The following LINGO2 variants were observed in gnomAD, a reference collection of about 807,000 sequenced individuals.
LINGO2 encodes leucine-rich repeat and immunoglobulin-like domain-containing nogo receptor-interacting protein 2.
In LINGO2, 14 loss-of-function variants were observed where a neutral mutation model predicts 30.6. That is an observed-to-expected ratio of 0.46 (90% CI 0.30 to 0.72). LINGO2 has a LOEUF of 0.72. Among genes scored for constraint, LINGO2 ranks in the 30% least tolerant of loss-of-function variants. The pLI, the probability that LINGO2 is intolerant of heterozygous loss-of-function variation, is 0.07. For synonymous variants in LINGO2, 317 were observed against 288.5 expected (o/e 1.10, Z -1.00); for missense variants, 729 against 751.7 (o/e 0.97, Z 0.35).
At chr9:29,106,082 C>G in the LINGO2 span, among the ~76,000 whole-genome samples, 11 of 152,298 alleles carry the variant, frequency 7.2e-5, no homozygotes, top group East Asian at 1.9e-3. Flanking sequence ...TTTAGCATCT[C>G]ATTTCTTTGG....
chr9:28,123,490 G>C (rs1422849972), intron 4 of LINGO2, among the ~76,000 whole-genome samples: 2 of 152,064 alleles, frequency 1.3e-5, no homozygotes, highest in Non-Finnish European at 2.9e-5. Flanking sequence ...ACATTTTCTA[G>C]ATAGGAATCT....
chr9:28,723,834 A>G, the LINGO2 span, among the ~76,000 whole-genome samples: 1 of 152,134 alleles, frequency 6.6e-6, no homozygotes, highest in African/African-American at 2.4e-5. Context: ...ATCCTCCTAA[A>G]AAAACTGACT....
chr9:29,191,335 A>G, the LINGO2 span, among the ~76,000 whole-genome samples: 3 of 152,224 alleles, frequency 2.0e-5, no homozygotes, highest in African/African-American at 4.8e-5. Flanking sequence ...TCTAACATTC[A>G]TAAGGCTTCT....
At chr9:28,184,620 A>G (rs527973342) in intron 4 of LINGO2, among the ~76,000 whole-genome samples, 2 of 152,010 alleles carry the variant, frequency 1.3e-5, no homozygotes, top group South Asian at 4.1e-4. Context: ...GGGGAAAGAG[A>G]AAGAATGAGT....
chr9:28,602,305 GAAAC>G (rs199589447), intron 1 of LINGO2, among the ~76,000 whole-genome samples: 1,668 of 151,914 alleles, frequency 0.011, 36 homozygotes, highest in African/African-American at 0.036. Context: ...CTGGCAAATA[GAAAC>G]AAACAAACAA....
In LINGO2 at chr9:28,298,735, C is replaced by A. The variant is rs189221642; in HGVS notation, c.-245-3369G>T. 7.3e-5 allele frequency among the ~76,000 whole-genome samples: 11 copies of A among 151,628 alleles called. 1 individual carries two copies. The highest frequency in any genetic ancestry group is 1.3e-4 in the Non-Finnish European group (9 of 67,910). ...TGTATTTTCTTGTATGTAAATTACACCTCATTAATGTTGACTTAAATGTTC... is the reference window on the plus strand; with the variant it reads ...TGTATTTTCTTGTATGTAAATTACAACTCATTAATGTTGACTTAAATGTTC... On this transcript the variant is annotated intron_variant, in intron 3 of 5. Transcript: ENST00000379992.
the LINGO2 span, among the ~76,000 whole-genome samples, chr9:28,850,811 G>A: frequency 6.6e-6 from 1 of 151,986 alleles, no homozygotes; most frequent in Non-Finnish European, 1.5e-5. Flanking sequence ...AGCATCCAAT[G>A]AGTCTCTGGT....
At chr9:28,395,151 GAT>G (rs1202586250) in intron 2 of LINGO2, among the ~76,000 whole-genome samples, 1 of 152,120 alleles carries the variant, frequency 6.6e-6, no homozygotes, top group Non-Finnish European at 1.5e-5. Context: ...CATCAAAACT[GAT>G]AACTGTCCTT....
At chr9:28,914,908 G>GGAT in the LINGO2 span, among the ~76,000 whole-genome samples, 1 of 152,130 alleles carries the variant, frequency 6.6e-6, no homozygotes, top group Non-Finnish European at 1.5e-5. Flanking sequence ...CGAGGCAGGC[G>GGAT]GATCACAAGG....
chr9:28,545,519 G>A (rs961701795), intron 1 of LINGO2, among the ~76,000 whole-genome samples: 5 of 151,986 alleles, frequency 3.3e-5, no homozygotes, highest in Non-Finnish European at 7.4e-5. Flanking sequence ...ATAATATATG[G>A]GAAGGTACAA....
intron 5 of LINGO2, among the ~76,000 whole-genome samples, chr9:27,994,071 T>C (rs1821533681): frequency 6.6e-6 from 1 of 151,768 alleles, no homozygotes; most frequent in African/African-American, 2.4e-5. Context: ...AATAAAGAAA[T>C]TAAGAAGGAA....
At chr9:28,596,081 G>C (rs1222581283) in intron 1 of LINGO2, among the ~76,000 whole-genome samples, 2 of 152,154 alleles carry the variant, frequency 1.3e-5, no homozygotes, top group African/African-American at 4.8e-5. Flanking sequence ...ACTTTTTACT[G>C]TAACTTTTGG....
chr9:29,094,864 C>T, the LINGO2 span, among the ~76,000 whole-genome samples: 1 of 138,978 alleles, frequency 7.2e-6, no homozygotes, highest in African/African-American at 2.7e-5. Flanking sequence ...TTCTATCTGA[C>T]AGCACTGTTC....
Position 28,334,236 on chromosome 9 carries a change from G to C in LINGO2, c.-246+38600C>G, listed in dbSNP as rs566817761. Among the ~76,000 whole-genome samples the C allele has an allele frequency of 5.3e-5, 8 of 152,128 alleles. No homozygotes were observed. In the South Asian group the frequency reaches 1.7e-3, roughly 32 times the overall value. On this transcript the variant is annotated intron_variant, in intron 3 of 5. Transcript: ENST00000379992. ...AGCTTTCAATCTTATAAGCAAATAA[G>C]ATACATGAGGAAAAAAGGTACTATG...
chr9:28,148,397 G>A lies in LINGO2; in HGVS notation c.-86-135992C>T. The A allele has an allele frequency of 8.0e-6, 10 of 1,254,776 alleles. No homozygotes were observed. In the South Asian group the frequency reaches 1.2e-4, roughly 14 times the overall value. The allele number at this position is 1,254,776 out of a possible 1,614,324, so 77.7% of individuals were successfully genotyped here. On this transcript the variant is annotated intron_variant, in intron 4 of 5. Coordinates refer to ENST00000379992, the Ensembl canonical transcript of LINGO2. The surrounding 1 kb of genome is among the most constrained non-coding windows in gnomAD (Gnocchi z 5.1). ...GTTTAACCTTCAACTTCCTTCATTA[G>A]ATGAGCAGGTGATCCCAGCCAGGCT...
At position 28,298,683 on chromosome 9, in the gene LINGO2, CAA is replaced by C. The variant is rs74180794; in HGVS notation, c.-245-3319_-245-3318del. Among the ~76,000 whole-genome samples the C allele has an allele frequency of 7.0e-3, 795 of 113,150 alleles. 2 individuals carry two copies. Among genetic ancestry groups the C allele is most frequent in the Middle Eastern group, 0.013 (3 of 226 alleles). The allele number at this position is 113,150 out of a possible 152,430, so 74.2% of individuals were successfully genotyped here. On this transcript the variant is annotated intron_variant, in intron 3 of 5. Coordinates refer to ENST00000379992, the Ensembl canonical transcript of LINGO2. ...GGGCAACAAGAGCAAAACTCTGTCT[CAA>C]AAAAAAAAAAAAAATCAGAATGAAT...
At chr9:28,167,531 C>T (rs958499377) in intron 4 of LINGO2, among the ~76,000 whole-genome samples, 1 of 152,192 alleles carries the variant, frequency 6.6e-6, no homozygotes, top group African/African-American at 2.4e-5. Flanking sequence ...TAAGCATGTG[C>T]CACCACGCCC....
At chr9:28,595,415 A>T (rs1213605130) in intron 1 of LINGO2, among the ~76,000 whole-genome samples, 1 of 152,056 alleles carries the variant, frequency 6.6e-6, no homozygotes, top group African/African-American at 2.4e-5. Flanking sequence ...TATTAAGATG[A>T]TACCTCCCTC....
At chr9:29,207,726 C>G in the LINGO2 span, among the ~76,000 whole-genome samples, 253 of 151,944 alleles carry the variant, frequency 1.7e-3, 1 homozygote, top group African/African-American at 5.8e-3. Context: ...ACAATGACAC[C>G]AAAACTCTAG....
Sources: gnomAD v4.1 joint callset for allele counts (sites outside exome capture counted in the v4.1 genomes callset) on GRCh38, gnomAD v4.1.1 for gene constraint, Gnocchi (gnomAD v3.1) non-coding constraint, MANE v1.5 for transcripts, NCBI Gene and HGNC (gene_info 2026-07-23, HGNC 2026-07-21) for gene names.